KATNIP: variants seen among roughly 807,000 people sequenced by gnomAD.
KATNIP encodes the protein katanin-interacting protein.
In KATNIP, 126 loss-of-function variants were observed where a neutral mutation model predicts 174.0. That is an observed-to-expected ratio of 0.72 (90% confidence interval 0.63 to 0.84). The LOEUF is 0.84. Ranked by LOEUF, KATNIP falls within the 40% of genes least tolerant of loss-of-function variation. The pLI, the probability that KATNIP is intolerant of heterozygous loss-of-function variation, is 0.00. For missense variants in KATNIP, 1,958 were observed against 2,109.7 expected, an observed-to-expected ratio of 0.93 and a Z score of 1.41; for synonymous variants, 810 against 835.7, an observed-to-expected ratio of 0.97 and a Z score of 0.53.
chr16:27,763,165 A>T (rs1472147517), intron 19 of KATNIP, among the ~76,000 whole-genome samples: 1 of 151,734 alleles, frequency 6.6e-6, no homozygotes, highest in East Asian at 1.9e-4. Flanking sequence ...GAAAAAAAAA[A>T]TTAGCCAGGC....
chr16:27,554,202 G>A (rs2089513894), intron 1 of KATNIP, among the ~76,000 whole-genome samples: 1 of 152,174 alleles, frequency 6.6e-6, no homozygotes, highest in Non-Finnish European at 1.5e-5. Context: ...GGTGGCTCAC[G>A]CCTGTAATCC....
chr16:27,778,438 G>T, intron 27 of KATNIP, 136 bp from the exon 28 acceptor site: 1 of 804,596 alleles, frequency 1.2e-6, no homozygotes. Flanking sequence ...CAGCGTGCCA[G>T]GCGCCCCGAG....
At chr16:27,609,792 A>G (rs1158293953) in intron 2 of KATNIP, among the ~76,000 whole-genome samples, 1 of 148,636 alleles carries the variant, frequency 6.7e-6, no homozygotes, top group African/African-American at 2.5e-5. Context: ...CCTGGGTTCA[A>G]GTGATTCTCC....
At chr16:27,575,430 G>A (rs2090462172) in intron 2 of KATNIP, among the ~76,000 whole-genome samples, 1 of 152,214 alleles carries the variant, frequency 6.6e-6, no homozygotes, top group African/African-American at 2.4e-5. Flanking sequence ...TTATTTAGTG[G>A]AGGTGGGACA....
At chr16:27,765,935 A>C (rs2082105993) in intron 19 of KATNIP, among the ~76,000 whole-genome samples, 1 of 152,152 alleles carries the variant, frequency 6.6e-6, no homozygotes, top group African/African-American at 2.4e-5. Flanking sequence ...TGGTTCGGAT[A>C]GCCTTTCCCA....
At chr16:27,664,508 A>G (rs1306503433) in intron 6 of KATNIP, among the ~76,000 whole-genome samples, 2 of 152,194 alleles carry the variant, frequency 1.3e-5, no homozygotes, top group African/African-American at 4.8e-5. Context: ...CCACACCCAT[A>G]GGTATAGAAC....
chr16:27,673,222 T>C (rs1361216132), intron 6 of KATNIP, among the ~76,000 whole-genome samples: 1 of 152,102 alleles, frequency 6.6e-6, no homozygotes, highest in African/African-American at 2.4e-5. Flanking sequence ...TCTTACAGGG[T>C]TTTTCTGAGC....
At chr16:27,625,852 T>C (rs940078421) in intron 3 of KATNIP, among the ~76,000 whole-genome samples, 1 of 151,150 alleles carries the variant, frequency 6.6e-6, no homozygotes, top group African/African-American at 2.5e-5. Context: ...TTTTTCTTTC[T>C]TTCTTTTTTT....
chr16:27,595,688 A>T (rs2075313754), intron 2 of KATNIP, among the ~76,000 whole-genome samples: 1 of 152,230 alleles, frequency 6.6e-6, no homozygotes, highest in African/African-American at 2.4e-5. Context: ...TGTAGAGCTT[A>T]TGTGCCAGCG....
At position 27,761,495 on chromosome 16, in the gene KATNIP, C is replaced by T; in HGVS notation, c.3714C>T (p.Gly1238=). The T allele has an allele frequency of 6.2e-7, 1 of 1,614,062 alleles. No individual in the cohort carries two copies. The change falls in exon 19 of 28, where the codon GGC becomes GGT. Residue 1238 remains glycine (G), a synonymous_variant. Coordinates refer to ENST00000261588, the MANE Select transcript of KATNIP (RefSeq NM_015202.5). Reference sequence around the variant, plus strand: ...GCCTGGAAGTGGTGGGCAAGGAGGGCCAGGCGCTGCCCATCCACCTGCACC... The same window carrying T: ...GCCTGGAAGTGGTGGGCAAGGAGGGTCAGGCGCTGCCCATCCACCTGCACC... ...LTGLEVVGKE[G]QALPIHLHQI... is the part of the protein sequence containing the mutation.
chr16:27,708,965 A>G (rs2079445815), intron 13 of KATNIP, 45 bp downstream of exon 13: 1 of 1,460,084 alleles, frequency 6.8e-7, no homozygotes, highest in South Asian at 1.2e-5. Context: ...GTGTATTCCC[A>G]TGCATTTTCT....
chr16:27,719,326 T>G (rs2080104155), intron 13 of KATNIP, among the ~76,000 whole-genome samples: 1 of 152,092 alleles, frequency 6.6e-6, no homozygotes, highest in African/African-American at 2.4e-5. Context: ...GTCTTCCGAG[T>G]CTGCAGAGGG....
chr16:27,608,678 C>A (rs1041207929), intron 2 of KATNIP, among the ~76,000 whole-genome samples: 10 of 152,082 alleles, frequency 6.6e-5, no homozygotes, highest in African/African-American at 2.2e-4. Context: ...CTACCACACC[C>A]AGCTAATTTT....
At chr16:27,635,669 G>A (rs1357888640) in intron 5 of KATNIP, among the ~76,000 whole-genome samples, 1 of 152,138 alleles carries the variant, frequency 6.6e-6, no homozygotes, top group South Asian at 2.1e-4. Flanking sequence ...AAGACATGGG[G>A]ACTGCTTAAC....
chr16:27,658,303 C>T (rs756877247), intron 6 of KATNIP, among the ~76,000 whole-genome samples: 18 of 152,248 alleles, frequency 1.2e-4, no homozygotes, highest in South Asian at 4.1e-4. Context: ...TTGTTTAAGA[C>T]GCATTTTTTA....
In KATNIP at chr16:27,749,941, A is replaced by G. The variant is rs765111942; in HGVS notation, c.2981A>G (p.Asn994Ser). 6 of 1,614,104 alleles carry G rather than the reference A, an allele frequency of 3.7e-6. No homozygotes were observed. The highest frequency in any genetic ancestry group is 5.1e-6 in the Non-Finnish European group (6 of 1,180,048). The change falls in exon 16 of 28, where the codon AAC becomes AGC. Residue 994 changes from asparagine to serine, a missense_variant. Physicochemically the swap from Asn to Ser is conservative, Grantham distance 46. Coordinates refer to ENST00000261588, the MANE Select transcript of KATNIP (RefSeq NM_015202.5). ...TWGDRHYVGL[N>S]GIEIFSSKGE... Reference sequence around the variant, plus strand: ...GGGGACAGACACTATGTCGGCCTCAACGGAATAGAAATATTCAGTTCCAAG... The same window carrying G: ...GGGGACAGACACTATGTCGGCCTCAGCGGAATAGAAATATTCAGTTCCAAG...
In KATNIP at chr16:27,618,443, G is replaced by A. The variant is rs2076103563; in HGVS notation, c.82G>A (p.Val28Met). The A allele has an allele frequency of 6.2e-7, 1 of 1,613,342 alleles. No individual in the cohort carries two copies. Among genetic ancestry groups the A allele is most frequent in the Admixed American group, 1.7e-5 (1 of 60,002 alleles). ...ATTTCAGGGTTACGCTAAGGACATG[G>A]TGACAGACTTTGATGAGAAACATGA... is the stretch of plus-strand genomic sequence containing the variant. ...EKKEGYAKDM[V>M]TDFDEKHDEY... The change falls in exon 3 of 28, where the codon GTG (valine) becomes ATG (methionine). Residue 28 changes from valine (V) to methionine (M), a missense_variant. By Grantham distance (21) the Val-to-Met change is conservative. This residue lies in a region of KATNIP where 1,557 missense variants were observed against 1,617.8 expected (regional missense o/e 0.96). Transcript: ENST00000261588.
intron 2 of KATNIP, among the ~76,000 whole-genome samples, chr16:27,585,176 C>T (rs1379747541): frequency 1.3e-5 from 2 of 152,194 alleles, no homozygotes; most frequent in Non-Finnish European, 2.9e-5. Flanking sequence ...ATGCAATTAA[C>T]TACAGCCAGA....
At chr16:27,750,418 T>TC (rs1458090857) in intron 16 of KATNIP, 112 bp downstream of exon 16, 15 of 1,054,576 alleles carry the variant, frequency 1.4e-5, no homozygotes, top group Non-Finnish European at 1.7e-5. Context: ...CCTTTCTCTT[T>TC]CTTTTTTTTT....
Sources: gnomAD v4.1 joint callset for allele counts (sites outside exome capture counted in the v4.1 genomes callset) on GRCh38, gnomAD v4.1.1 for gene constraint, gnomAD v4.1.1 regional missense constraint, MANE v1.5 for transcripts, NCBI Gene and HGNC (gene_info 2026-07-23, HGNC 2026-07-21) for gene names.